The following RBM47 variants were observed in gnomAD, a reference collection of about 807,000 sequenced individuals.
The protein encoded by RBM47 is RNA-binding protein 47.
A neutral mutation model predicts 47.1 loss-of-function variants in RBM47; 21 were observed. The ratio of observed to expected loss-of-function variants is 0.45; its 90% CI spans 0.32 to 0.64. The LOEUF is 0.64. Among genes scored for constraint, RBM47 ranks in the 30% least tolerant of loss-of-function variants. RBM47 has a pLI of 0.05. For synonymous variants in RBM47, 375 were observed against 361.7 expected, an observed-to-expected ratio of 1.04 and a Z score of -0.42; for missense variants, 708 against 870.9, an observed-to-expected ratio of 0.81 and a Z score of 2.35.
intron 2 of RBM47, among the ~76,000 whole-genome samples, chr4:40,475,141 T>C (rs1305885231): frequency 6.6e-6 from 1 of 152,228 alleles, no homozygotes; most frequent in Non-Finnish European, 1.5e-5. Flanking sequence ...AATTTAACTA[T>C]TGGTTTGAAA....
At chr4:40,571,149 G>C (rs1013636364) in intron 1 of RBM47, among the ~76,000 whole-genome samples, 1 of 152,008 alleles carries the variant, frequency 6.6e-6, no homozygotes, top group Non-Finnish European at 1.5e-5. Flanking sequence ...CTGGGAGGCA[G>C]AGGTTGCAGT....
chr4:40,596,984 G>T lies in RBM47; in HGVS notation c.-240+32412C>A, dbSNP rs192904584. Among the ~76,000 whole-genome samples the T allele has an allele frequency of 2.7e-3, 413 of 152,262 alleles. 2 individuals carry two copies. The highest frequency in any genetic ancestry group is 9.2e-3 in the African/African-American group (383 of 41,552). Reference sequence around the variant, plus strand: ...ATTTAAAGTTTTAATTTATCGGCCGGGCGCGATGGCTCACGCCTGTAATCC... The same window carrying T: ...ATTTAAAGTTTTAATTTATCGGCCGTGCGCGATGGCTCACGCCTGTAATCC... On this transcript the variant is annotated intron_variant, in intron 1 of 6. Transcript: ENST00000295971.
At chr4:40,577,947 G>A (rs955201669) in intron 1 of RBM47, among the ~76,000 whole-genome samples, 2 of 152,048 alleles carry the variant, frequency 1.3e-5, no homozygotes, top group Non-Finnish European at 2.9e-5. Context: ...GGAGGTCAAG[G>A]CCAGCCTAGA....
chr4:40,457,587 C>G (rs189027648), intron 3 of RBM47, among the ~76,000 whole-genome samples: 7 of 152,070 alleles, frequency 4.6e-5, no homozygotes, highest in Admixed American at 4.6e-4. Flanking sequence ...CATACCACCA[C>G]GCCCAGCTAA....
intron 2 of RBM47, among the ~76,000 whole-genome samples, chr4:40,477,833 A>C (rs1456790185): frequency 6.6e-6 from 1 of 152,132 alleles, no homozygotes. Flanking sequence ...AATTTAAAAA[A>C]TACATGCACA....
chr4:40,608,866 A>G (rs1386270062), intron 1 of RBM47, among the ~76,000 whole-genome samples: 1 of 152,230 alleles, frequency 6.6e-6, no homozygotes, highest in Non-Finnish European at 1.5e-5. Flanking sequence ...GTTAAATCTT[A>G]TATGTACATT....
At chr4:40,562,525 G>A (rs1341101105) in intron 1 of RBM47, among the ~76,000 whole-genome samples, 1 of 148,474 alleles carries the variant, frequency 6.7e-6, no homozygotes, top group Non-Finnish European at 1.5e-5. Flanking sequence ...GAGTGCACTG[G>A]TGCGACCTCG....
intron 2 of RBM47, among the ~76,000 whole-genome samples, chr4:40,479,744 C>A (rs1404077107): frequency 6.6e-6 from 1 of 152,020 alleles, no homozygotes; most frequent in African/African-American, 2.4e-5. Context: ...CTCAAGCGAT[C>A]CTCCTCCCTC....
intron 4 of RBM47, among the ~76,000 whole-genome samples, chr4:40,437,159 T>TATATATATATAATAC (rs1560357740): frequency 9.5e-4 from 6 of 6,334 alleles, no homozygotes; most frequent in East Asian, 3.7e-3. Flanking sequence ...ATAAAATACA[T>TATATATATATAATAC]ATATATATAT....
chr4:40,448,378 G>C (rs1213980407), intron 3 of RBM47, among the ~76,000 whole-genome samples: 1 of 152,100 alleles, frequency 6.6e-6, no homozygotes. Context: ...CTGACAAATT[G>C]CAATTTGAAG....
chr4:40,527,960 T>G (rs1230196291), intron 2 of RBM47, among the ~76,000 whole-genome samples: 3 of 152,204 alleles, frequency 2.0e-5, no homozygotes, highest in Non-Finnish European at 2.9e-5. Context: ...AAACTTGTTT[T>G]CGTATTTCAA....
intron 1 of RBM47, among the ~76,000 whole-genome samples, chr4:40,565,931 G>A (rs1007557008): frequency 1.3e-5 from 2 of 151,994 alleles, no homozygotes; most frequent in Admixed American, 6.6e-5. Flanking sequence ...AGCCCGGCGC[G>A]GTGGCACACG....
chr4:40,530,227 T>C (rs914136569), intron 2 of RBM47, among the ~76,000 whole-genome samples: 5 of 151,334 alleles, frequency 3.3e-5, no homozygotes, highest in Non-Finnish European at 5.9e-5. Context: ...TGAGGCACCA[T>C]GCCTGGACGA....
intron 2 of RBM47, among the ~76,000 whole-genome samples, chr4:40,534,673 G>A (rs999035447): frequency 4.6e-5 from 7 of 152,050 alleles, no homozygotes; most frequent in Non-Finnish European, 7.4e-5. Context: ...GGTGGCTCAC[G>A]CCTGTAATCC....
intron 6 of RBM47, among the ~76,000 whole-genome samples, chr4:40,430,144 G>A (rs1715722715): frequency 6.6e-6 from 1 of 152,046 alleles, no homozygotes; most frequent in Non-Finnish European, 1.5e-5. Context: ...GCAGTAAGCC[G>A]AGATCACGCC....
rs182971451 is a variant in RBM47 at position 40,495,558 on chromosome 4, C to T, written c.-154-28859G>A. Among the ~76,000 whole-genome samples the T allele has an allele frequency of 2.7e-3, 408 of 152,024 alleles. 2 individuals carry two copies. Among genetic ancestry groups the T allele is most frequent in the African/African-American group, 9.4e-3 (388 of 41,466 alleles). On this transcript the variant is annotated intron_variant, in intron 2 of 6. Transcript: ENST00000295971. Reference sequence around the variant, plus strand: ...CAGAGGTTGCAGCGAGCCAAGATCACACCACTGCACTCCAGCCTGGGTGAC... The same window carrying T: ...CAGAGGTTGCAGCGAGCCAAGATCATACCACTGCACTCCAGCCTGGGTGAC...
chr4:40,520,180 T>C (rs1726063594), intron 2 of RBM47, among the ~76,000 whole-genome samples: 1 of 152,140 alleles, frequency 6.6e-6, no homozygotes, highest in Non-Finnish European at 1.5e-5. Context: ...GTATTAGAAT[T>C]CCCCGTGTTC....
In RBM47 at chr4:40,595,628, C is replaced by T. The variant is rs558692592; in HGVS notation, c.-240+33768G>A. Among the ~76,000 whole-genome samples, 22 of 152,300 alleles carry T rather than the reference C, an allele frequency of 1.4e-4. No individual in the cohort carries two copies. The East Asian group carries it at 3.9e-3, about 27-fold the overall frequency. ...TCAGGCCGGGTGCTGTGGCTCATGCCTGTAATCCTAGCACTTTGGGAGGCT... is the reference window on the plus strand; with the variant it reads ...TCAGGCCGGGTGCTGTGGCTCATGCTTGTAATCCTAGCACTTTGGGAGGCT... On this transcript the variant is annotated intron_variant, in intron 1 of 6. Transcript: ENST00000295971.
intron 3 of RBM47, among the ~76,000 whole-genome samples, chr4:40,452,055 A>G (rs371439893): frequency 1.3e-5 from 2 of 152,252 alleles, no homozygotes; most frequent in South Asian, 2.1e-4. Flanking sequence ...CTGTAGTCTC[A>G]GCTACTTGGG....
Sources: allele counts gnomAD v4.1 joint callset (sites outside exome capture counted in the v4.1 genomes callset), GRCh38; gene constraint gnomAD v4.1.1; transcripts MANE v1.5; gene names NCBI Gene and HGNC (gene_info 2026-07-23, HGNC 2026-07-21).